The following ULK4 variants were observed in gnomAD, a reference collection of about 807,000 sequenced individuals.
ULK4 encodes inactive serine/threonine-protein kinase ULK4.
Under a neutral mutation model 160.6 loss-of-function variants are expected in ULK4, and 133 were observed. The observed-to-expected ratio is 0.83, with a 90% CI of 0.72 to 0.96. The LOEUF (loss-of-function observed/expected upper bound fraction) is 0.96. Ranked by LOEUF, ULK4 falls within the 40% of genes least tolerant of loss-of-function variation. ULK4 has a pLI of 0.00. For missense variants in ULK4, 1,580 were observed against 1,499.5 expected (o/e 1.05, Z -0.89); for synonymous variants, 534 against 539.8 (o/e 0.99, Z 0.15).
chr3:41,368,296 A>G lies in ULK4; in HGVS notation c.3678+29783T>C, dbSNP rs148182538. Among the ~76,000 whole-genome samples, 1,515 of 152,114 alleles carry G rather than the reference A, an allele frequency of 1.0e-2. 15 individuals are homozygous for G. Among genetic ancestry groups the G allele is most frequent in the African/African-American group, 0.027 (1,108 of 41,504 alleles). On this transcript the variant is annotated intron_variant, in intron 35 of 36. Coordinates refer to ENST00000301831, the MANE Select transcript of ULK4 (RefSeq NM_017886.4). ...AATCTCCTGACCTCGTGATCCACCC[A>G]ACTCGGCCTCCCAAAGTGCTGTGAT...
chr3:41,886,388 A>G (rs569283203), intron 16 of ULK4, among the ~76,000 whole-genome samples: 12 of 152,140 alleles, frequency 7.9e-5, no homozygotes, highest in African/African-American at 2.9e-4. Context: ...TAAATATATC[A>G]ACATCAAAAG....
intron 35 of ULK4, among the ~76,000 whole-genome samples, chr3:41,394,606 G>A (rs1393409215): frequency 6.6e-6 from 1 of 151,892 alleles, no homozygotes; most frequent in Non-Finnish European, 1.5e-5. Context: ...TGGTCGTATG[G>A]GTACTTGAAA....
At chr3:41,263,768 CAT>C (rs2078984753) in intron 35 of ULK4, among the ~76,000 whole-genome samples, 1 of 152,192 alleles carries the variant, frequency 6.6e-6, no homozygotes. Flanking sequence ...CACAATCACA[CAT>C]GAGATGCATA....
chr3:41,365,964 T>G (rs912827611), intron 35 of ULK4, among the ~76,000 whole-genome samples: 2 of 152,220 alleles, frequency 1.3e-5, no homozygotes, highest in African/African-American at 2.4e-5. Flanking sequence ...ACCATTTGGA[T>G]AGATTCACTA....
At chr3:41,653,212 T>C (rs2034811136) in intron 30 of ULK4, among the ~76,000 whole-genome samples, 1 of 152,198 alleles carries the variant, frequency 6.6e-6, no homozygotes, top group African/African-American at 2.4e-5. Flanking sequence ...TCCCCTGCCC[T>C]GATCACTCCA....
chr3:41,736,454 A>G (rs1474298850), intron 22 of ULK4, among the ~76,000 whole-genome samples: 2 of 151,816 alleles, frequency 1.3e-5, no homozygotes, highest in Non-Finnish European at 2.9e-5. Flanking sequence ...GATGATGAGC[A>G]TTTTTTCATG....
intron 18 of ULK4, among the ~76,000 whole-genome samples, chr3:41,821,948 C>T (rs1392271570): frequency 6.6e-6 from 1 of 152,200 alleles, no homozygotes; most frequent in Non-Finnish European, 1.5e-5. Flanking sequence ...TTCAGCCCTA[C>T]TGACTTTCCC....
At chr3:41,820,240 GAA>G (rs1203310082) in intron 18 of ULK4, among the ~76,000 whole-genome samples, 1 of 152,092 alleles carries the variant, frequency 6.6e-6, no homozygotes. Flanking sequence ...CAGCTACTAT[GAA>G]AAATAGTTTG....
At chr3:41,615,893 G>C (rs890368826) in intron 30 of ULK4, among the ~76,000 whole-genome samples, 176 bp from the exon 31 acceptor site, 13 of 152,134 alleles carry the variant, frequency 8.5e-5, no homozygotes, top group African/African-American at 2.9e-4. Flanking sequence ...CAAGAAATAT[G>C]AGGCTTTTTT....
intron 18 of ULK4, among the ~76,000 whole-genome samples, chr3:41,825,413 A>G (rs1236699981): frequency 7.2e-6 from 1 of 139,730 alleles, no homozygotes; most frequent in East Asian, 1.9e-4. Context: ...AAAAACCTTG[A>G]AAAAAAATTA....
chr3:41,596,784 G>A (rs758159147), intron 31 of ULK4, among the ~76,000 whole-genome samples: 1 of 152,226 alleles, frequency 6.6e-6, no homozygotes, highest in South Asian at 2.1e-4. Context: ...TGGCCAAAGT[G>A]CAGGATGGAC....
At chr3:41,390,833 T>C (rs1275267671) in intron 35 of ULK4, among the ~76,000 whole-genome samples, 2 of 152,160 alleles carry the variant, frequency 1.3e-5, no homozygotes, top group Non-Finnish European at 2.9e-5. Flanking sequence ...CTGAGAAGAA[T>C]GTATATTCTG....
chr3:41,787,587 C>G (rs1575708410), intron 21 of ULK4, among the ~76,000 whole-genome samples: 1 of 152,132 alleles, frequency 6.6e-6, no homozygotes, highest in African/African-American at 2.4e-5. Context: ...CCACCACCAC[C>G]CAAAATGTTT....
At chr3:41,776,091 C>T (rs182335128) in intron 21 of ULK4, among the ~76,000 whole-genome samples, 1 of 151,102 alleles carries the variant, frequency 6.6e-6, no homozygotes, top group African/African-American at 2.5e-5. Flanking sequence ...TGAGTTTCCA[C>T]TGGCCCATAT....
At position 41,941,265 on chromosome 3, in the gene ULK4, T is replaced by G. The variant is rs569983708; in HGVS notation, c.139-3068A>C. Among the ~76,000 whole-genome samples the G allele has an allele frequency of 5.5e-5, 8 of 146,398 alleles. No individual in the cohort carries two copies. In the East Asian group the frequency reaches 1.7e-3, roughly 30 times the overall value. On this transcript the variant is annotated intron_variant, in intron 2 of 36. Coordinates refer to ENST00000301831, the MANE Select transcript of ULK4 (RefSeq NM_017886.4). Reference sequence around the variant, plus strand: ...GTTGCCCAAGTTGGTCTTGAACTCCTGGGTTCAAACGATCCTCCCACCTCA... The same window carrying G: ...GTTGCCCAAGTTGGTCTTGAACTCCGGGGTTCAAACGATCCTCCCACCTCA...
chr3:41,501,447 G>A lies in ULK4; in HGVS notation c.3227-38194C>T, dbSNP rs748370057. On this transcript the variant is annotated intron_variant, in intron 32 of 36. Transcript: ENST00000301831. ...CAGGAGGCGGCGCTTGCAGTGAGCC[G>A]AGATTGCGCCACTGCACTCCAGCCT... Among the ~76,000 whole-genome samples, 9 of 152,202 alleles carry A rather than the reference G, an allele frequency of 5.9e-5. No homozygotes were observed. In the South Asian group the frequency reaches 1.2e-3, roughly 21 times the overall value.
chr3:41,553,537 G>A (rs1360627113), intron 32 of ULK4, among the ~76,000 whole-genome samples: 3 of 152,086 alleles, frequency 2.0e-5, no homozygotes, highest in Non-Finnish European at 2.9e-5. Flanking sequence ...AACCCACAAT[G>A]AGATGCTATC....
chr3:41,653,766 C>T (rs1294551762), intron 30 of ULK4, among the ~76,000 whole-genome samples: 6 of 152,216 alleles, frequency 3.9e-5, no homozygotes, highest in Non-Finnish European at 2.9e-5. Context: ...TCACAGGCCT[C>T]ACACAAAAAC....
chr3:41,496,832 C>T (rs1032295286), intron 32 of ULK4, among the ~76,000 whole-genome samples: 2 of 152,102 alleles, frequency 1.3e-5, no homozygotes, highest in African/African-American at 4.8e-5. Context: ...CAACACCTTA[C>T]TAATAGACCC....
Sources: allele counts gnomAD v4.1 joint callset (sites outside exome capture counted in the v4.1 genomes callset), GRCh38; gene constraint gnomAD v4.1.1; transcripts MANE v1.5; gene names NCBI Gene and HGNC (gene_info 2026-07-23, HGNC 2026-07-21).